The following WNT7B variants were observed in gnomAD, a reference collection of about 807,000 sequenced individuals.
WNT7B encodes the protein protein Wnt-7b.
In WNT7B, 19 loss-of-function variants were observed where a neutral mutation model predicts 38.2. The ratio of observed to expected loss-of-function variants is 0.50; its 90% CI spans 0.35 to 0.73. The LOEUF (loss-of-function observed/expected upper bound fraction) is 0.73. WNT7B is among the 30% of genes least tolerant of loss of function. The pLI, the probability that WNT7B is intolerant of heterozygous loss-of-function variation, is 0.01. For missense variants in WNT7B, 423 were observed against 507.9 expected (o/e 0.83, Z 1.61); for synonymous variants, 243 against 209.3 (o/e 1.16, Z -1.39).
At chr22:45,926,791 G>A in intron 3 of WNT7B, 1 of 985,420 alleles carries the variant, frequency 1.0e-6, no homozygotes, top group African/African-American at 1.7e-5. Flanking sequence ...TGGACTGAAT[G>A]TGGCCTCGAG....
At position 45,931,010 on chromosome 22, in the gene WNT7B, G is replaced by A. The variant is rs1931331535; in HGVS notation, c.570+88C>T. 4.8e-6 allele frequency: 7 copies of A among 1,451,418 alleles called. No homozygotes were observed. In the African/African-American group the frequency reaches 5.7e-5, roughly 12 times the overall value. The allele number at this position is 1,451,418 out of a possible 1,614,324, so 89.9% of individuals were successfully genotyped here. On this transcript the variant is annotated intron_variant, in intron 3 of 3. Transcript: ENST00000339464. ...CACCTACGGAGACTCAACTGCTTCT[G>A]CTAGAAGAGGAGCCTGAGGCTCCGA...
chr22:45,927,463 AT>A (rs1931123776), intron 3 of WNT7B: 2 of 1,549,406 alleles, frequency 1.3e-6, no homozygotes, highest in African/African-American at 2.7e-5. Context: ...AACCCCCCAA[AT>A]TCATGTCTGC....
intron 2 of WNT7B, among the ~76,000 whole-genome samples, chr22:45,946,390 G>T (rs1931796667): frequency 6.6e-6 from 1 of 152,202 alleles, no homozygotes; most frequent in South Asian, 2.1e-4. Context: ...GTGCCTGGTT[G>T]AAACTCCCTG....
intron 2 of WNT7B, among the ~76,000 whole-genome samples, chr22:45,943,016 T>C (rs922817666): frequency 6.6e-6 from 1 of 151,446 alleles, no homozygotes; most frequent in Non-Finnish European, 1.5e-5. Context: ...GTGTGCAGTG[T>C]GCATGTGTAT....
chr22:45,923,323 G>C lies in WNT7B; in HGVS notation c.583C>G (p.Arg195Gly). ...TGGCACTTGCACTCCAGCTGCATCC[G>C]GTCCTCTAGAACCTGCGGGTGACAG... The part of the protein sequence containing the change: ...NEAGRKVLED[R>G]MQLECKCHGV... Residue 195 changes from arginine to glycine, a missense_variant, in exon 4 of 4, where the codon CGG becomes GGG. Transcript: ENST00000339464. The C allele has an allele frequency of 6.2e-7, 1 of 1,605,598 alleles. No individual in the cohort carries two copies. Among genetic ancestry groups the C allele is most frequent in the Non-Finnish European group, 8.5e-7 (1 of 1,174,678 alleles).
rs1325366033 is a variant in WNT7B at position 45,976,540 on chromosome 22, G to C, written c.71+144C>G. The C allele has an allele frequency of 2.4e-6, 2 of 833,308 alleles. No individual in the cohort carries two copies. Among genetic ancestry groups the C allele is most frequent in the Non-Finnish European group, 3.7e-6 (2 of 534,718 alleles). 51.6% of individuals were successfully genotyped at this position (833,308 alleles called of 1,614,324 possible). ...CTGCGTCTCTGCTGGCGTGGGGCGA[G>C]GGTCTGACACACGGGCCAGCCCCGG... On this transcript the variant is annotated intron_variant, in intron 1 of 3. Transcript: ENST00000339464. This position sits in a 1 kb window ranked among gnomAD's most constrained non-coding sequence, Gnocchi z 8.5.
chr22:45,929,948 C>CCATCCACTCATACATCTACCCACGCATG (rs143130413), intron 3 of WNT7B, among the ~76,000 whole-genome samples: 1 of 149,858 alleles, frequency 6.7e-6, no homozygotes, highest in African/African-American at 2.5e-5. Flanking sequence ...ATCCTTCCAT[C>CCATCCACTCATACATCTACCCACGCATG]CATCCACTCA....
chr22:45,924,908 C>T (rs1321430689), intron 3 of WNT7B, among the ~76,000 whole-genome samples: 2 of 145,424 alleles, frequency 1.4e-5, no homozygotes, highest in Non-Finnish European at 3.0e-5. Flanking sequence ...CCAGGTGGGC[C>T]CTAGAGTGGC....
At chr22:45,964,193 C>T (rs1314275607) in intron 1 of WNT7B, among the ~76,000 whole-genome samples, 2 of 152,078 alleles carry the variant, frequency 1.3e-5, no homozygotes. Flanking sequence ...GAGCCACTGA[C>T]TCCCTATCCG....
intron 2 of WNT7B, among the ~76,000 whole-genome samples, chr22:45,931,968 G>C (rs1041869673): frequency 6.6e-6 from 1 of 152,196 alleles, no homozygotes. Flanking sequence ...TCTCCCTCTT[G>C]GTCCACCCGC....
chr22:45,927,412 C>G, intron 3 of WNT7B: 2 of 1,536,636 alleles, frequency 1.3e-6, no homozygotes, highest in South Asian at 2.4e-5. Flanking sequence ...CCATCAGGGA[C>G]ACCAGCCTGG....
intron 1 of WNT7B, among the ~76,000 whole-genome samples, chr22:45,970,045 C>T (rs147015752): frequency 2.7e-3 from 405 of 152,318 alleles, no homozygotes; most frequent in African/African-American, 6.0e-3. Context: ...CAAACCGAAT[C>T]GCGCAGGCCC....
At chr22:45,972,184 G>T in intron 1 of WNT7B, 1 of 632,568 alleles carries the variant, frequency 1.6e-6, no homozygotes. Context: ...GGAGGAGAAA[G>T]ATCTGCGGGC....
intron 1 of WNT7B, chr22:45,972,029 C>T (rs1366646687): frequency 2.2e-6 from 1 of 451,882 alleles, no homozygotes; most frequent in Non-Finnish European, 3.9e-6. Context: ...CCGGCTCCCG[C>T]GCGCGACGGT....
chr22:45,945,872 G>A (rs1931782189), intron 2 of WNT7B, among the ~76,000 whole-genome samples: 2 of 152,258 alleles, frequency 1.3e-5, no homozygotes, highest in Non-Finnish European at 2.9e-5. Context: ...GCGGGTGACA[G>A]CTGTGCTGGT....
chr22:45,944,414 G>A (rs1931745849), intron 2 of WNT7B, among the ~76,000 whole-genome samples: 1 of 152,208 alleles, frequency 6.6e-6, no homozygotes, highest in African/African-American at 2.4e-5. Flanking sequence ...TCCCGGGGAG[G>A]GGCAGCCCCG....
intron 1 of WNT7B, among the ~76,000 whole-genome samples, chr22:45,952,116 G>T (rs1051790082): frequency 6.6e-6 from 1 of 152,252 alleles, no homozygotes; most frequent in Non-Finnish European, 1.5e-5. Flanking sequence ...GAGGGGGCAA[G>T]ATGTGGGAGT....
chr22:45,948,594 C>A (rs1373643759), intron 2 of WNT7B, among the ~76,000 whole-genome samples: 1 of 152,208 alleles, frequency 6.6e-6, no homozygotes, highest in African/African-American at 2.4e-5. Flanking sequence ...CAGTTATCCC[C>A]CCCCTCCTCT....
chr22:45,940,010 C>T (rs958356930), intron 2 of WNT7B, among the ~76,000 whole-genome samples: 8 of 152,130 alleles, frequency 5.3e-5, no homozygotes, highest in African/African-American at 1.9e-4. Flanking sequence ...GGGTTTCTTT[C>T]TGGGGTGATG....
Sources: allele counts gnomAD v4.1 joint callset (sites outside exome capture counted in the v4.1 genomes callset), GRCh38; gene constraint gnomAD v4.1.1; non-coding constraint Gnocchi (gnomAD v3.1); transcripts MANE v1.5; gene names NCBI Gene and HGNC (gene_info 2026-07-23, HGNC 2026-07-21).